The following AP3D1 variants were observed in gnomAD, a reference collection of about 807,000 sequenced individuals.
The protein encoded by AP3D1 is adaptor related protein complex 3 subunit delta 1, also known as AP-3 complex subunit delta-1.
Under a neutral mutation model 147.6 loss-of-function variants are expected in AP3D1, and 51 were observed. That is an observed-to-expected ratio of 0.35 (90% CI 0.28 to 0.44). The LOEUF is 0.44. Among genes scored for constraint, AP3D1 ranks in the 20% least tolerant of loss-of-function variants. AP3D1 has a pLI of 1.00. For missense variants in AP3D1, 1,421 were observed against 1,624.2 expected (o/e 0.87, Z 2.15); for synonymous variants, 760 against 663.0 (o/e 1.15, Z -2.25).
chr19:2,143,248 T>C (rs1281384606), intron 1 of AP3D1, among the ~76,000 whole-genome samples: 15 of 138,070 alleles, frequency 1.1e-4, no homozygotes, highest in Non-Finnish European at 2.0e-4. Context: ...TTTTTTTTTT[T>C]TTTTTTTTTT....
intron 24 of AP3D1, 198 bp from the exon 25 acceptor site, chr19:2,112,026 CTGGT>C (rs978836886): frequency 1.7e-5 from 14 of 845,584 alleles, no homozygotes; most frequent in Non-Finnish European, 2.3e-5. Context: ...GGGGCCGTCT[CTGGT>C]TGGCGGCAAG....
At chr19:2,142,848 C>T (rs967964407) in intron 1 of AP3D1, among the ~76,000 whole-genome samples, 1 of 152,084 alleles carries the variant, frequency 6.6e-6, no homozygotes, top group Non-Finnish European at 1.5e-5. Context: ...CCACAACCTC[C>T]GCCTCCCAAG....
At chr19:2,132,898 C>G (rs2018987380) in intron 4 of AP3D1, among the ~76,000 whole-genome samples, 1 of 152,142 alleles carries the variant, frequency 6.6e-6, no homozygotes, top group Non-Finnish European at 1.5e-5. Flanking sequence ...CTTGGCTCCT[C>G]CTGGATGGGC....
At chr19:2,117,178 A>G (rs1178189540) in intron 16 of AP3D1, 44 bp downstream of exon 16, 10 of 1,537,618 alleles carry the variant, frequency 6.5e-6, no homozygotes, top group Non-Finnish European at 8.8e-6. Context: ...TCAAGGGACC[A>G]TGTCAGGGCC....
upstream of AP3D1, among the ~76,000 whole-genome samples, chr19:2,151,809 C>T (rs567029562): frequency 1.3e-5 from 2 of 152,260 alleles, no homozygotes; most frequent in Non-Finnish European, 2.9e-5. Context: ...TAGTTCTGAG[C>T]CCTAGCCACG....
At chr19:2,144,102 G>T (rs1356220987) in intron 1 of AP3D1, among the ~76,000 whole-genome samples, 1 of 138,148 alleles carries the variant, frequency 7.2e-6, no homozygotes, top group Non-Finnish European at 1.6e-5. Context: ...AAAAAAAAAA[G>T]AATTCCAAGT....
chr19:2,158,489 G>A (rs1053589438), intron 1 of AP3D1, among the ~76,000 whole-genome samples: 2 of 150,138 alleles, frequency 1.3e-5, no homozygotes, highest in Non-Finnish European at 2.9e-5. Flanking sequence ...TGTATTTTTT[G>A]TAGATAATGG....
intron 1 of AP3D1, among the ~76,000 whole-genome samples, chr19:2,156,742 G>A (rs933455365): frequency 3.3e-5 from 5 of 151,996 alleles, no homozygotes; most frequent in Non-Finnish European, 5.9e-5. Context: ...CCAGTTACTC[G>A]GGAGGCTGAG....
Position 2,111,724 on chromosome 19 carries a change from C to T in AP3D1, c.2892G>A (p.Ala964=), listed in dbSNP as rs367708267. The T allele has an allele frequency of 2.1e-4, 329 of 1,604,600 alleles. No homozygotes were observed. The highest frequency in any genetic ancestry group is 7.1e-4 in the Admixed American group (42 of 58,808). ...GCGCGCCATTCTGCACCGGCTCCCC[C>T]GCTGCCTCCTCGCTGCCTGGAGGCT... ...KKQPPGSEEA[A]GEPVQNGAPE... The change falls in exon 25 of 32, where the codon GCG becomes GCA. Residue 964 remains alanine, a synonymous_variant. Transcript: ENST00000643116.
chr19:2,154,595 G>C (rs2019630538), upstream of AP3D1, among the ~76,000 whole-genome samples: 2 of 152,118 alleles, frequency 1.3e-5, no homozygotes, highest in Admixed American at 6.6e-5. Context: ...AGGTTCTTTA[G>C]TCCTCAGGCG....
chr19:2,147,885 A>G (rs1297706411), intron 1 of AP3D1, among the ~76,000 whole-genome samples: 1 of 149,722 alleles, frequency 6.7e-6, no homozygotes, highest in African/African-American at 2.4e-5. Flanking sequence ...CTTAGTCTCA[A>G]AAAAAAAAAG....
At chr19:2,157,878 A>G (rs1463023791) in intron 1 of AP3D1, among the ~76,000 whole-genome samples, 1 of 152,230 alleles carries the variant, frequency 6.6e-6, no homozygotes, top group Non-Finnish European at 1.5e-5. Flanking sequence ...AGCTTGCTCA[A>G]GTTTGTCATG....
chr19:2,115,613 G>T lies in AP3D1; in HGVS notation c.2074C>A (p.Arg692=), dbSNP rs767508969. ...YIKSSPSPQK[R]YQDTPGVEHI... ...TCCACGCCCGGGGTGTCCTGGTACC[G>T]CTGCAAAGGCAACACCCAGGCGTTA... The change falls in exon 19 of 32, where the codon CGG becomes AGG. Residue 692 remains arginine, a splice_region_variant and synonymous_variant. Transcript: ENST00000643116. 1.2e-6 allele frequency: 2 copies of T among 1,611,490 alleles called. No homozygotes were observed. Among genetic ancestry groups the T allele is most frequent in the Admixed American group, 1.7e-5 (1 of 59,892 alleles).
At chr19:2,108,584 C>T in intron 31 of AP3D1, 103 bp downstream of exon 31, 3 of 1,066,588 alleles carry the variant, frequency 2.8e-6, no homozygotes, top group Non-Finnish European at 4.1e-6. Flanking sequence ...TCACTGTCCT[C>T]GAGCCCTCTA....
chr19:2,139,380 G>T (rs574835261), intron 1 of AP3D1, among the ~76,000 whole-genome samples: 91 of 152,308 alleles, frequency 6.0e-4, no homozygotes, highest in African/African-American at 2.1e-3. Flanking sequence ...ACCACACTCA[G>T]GTTTTGAGGG....
chr19:2,109,998 G>A (rs774897782), intron 28 of AP3D1, 40 bp from the exon 29 acceptor site: 10 of 1,607,744 alleles, frequency 6.2e-6, no homozygotes, highest in Middle Eastern at 1.7e-4. Context: ...GAGGGGAGTC[G>A]GGCCCAGCTC....
chr19:2,127,083 C>G lies in AP3D1; in HGVS notation c.856+69G>C, dbSNP rs917134165. ...TCGGAGACACCAGGCCTGGCGCCCT[C>G]CTGTCCCCACCTGAGACCCCAGCCT... On this transcript the variant is annotated intron_variant, in intron 9 of 31. Transcript: ENST00000643116. 23 of 1,550,496 alleles carry G rather than the reference C, an allele frequency of 1.5e-5. No homozygotes were observed. The African/African-American group carries it at 3.0e-4, about 20-fold the overall frequency.
chr19:2,118,541 G>C (rs1380456053), intron 15 of AP3D1, 60 bp downstream of exon 15: 7 of 1,516,642 alleles, frequency 4.6e-6, no homozygotes, highest in Non-Finnish European at 6.3e-6. Context: ...GGCCGCCACT[G>C]GACAGAAAGG....
chr19:2,116,911 G>C, intron 16 of AP3D1, 165 bp from the exon 17 acceptor site: 1 of 992,208 alleles, frequency 1.0e-6, no homozygotes, highest in East Asian at 2.8e-5. Context: ...CCCCTTAAGA[G>C]GACGCAGGGA....
Sources: gnomAD v4.1 joint callset for allele counts (sites outside exome capture counted in the v4.1 genomes callset) on GRCh38, gnomAD v4.1.1 for gene constraint, MANE v1.5 for transcripts, NCBI Gene and HGNC (gene_info 2026-07-23, HGNC 2026-07-21) for gene names.